PATJ: variants seen among roughly 807,000 people sequenced by gnomAD.
PATJ encodes the protein PATJ crumbs cell polarity complex component.
In PATJ, 190 loss-of-function variants were observed where a neutral mutation model predicts 224.9. The ratio of observed to expected loss-of-function variants is 0.84; its 90% CI spans 0.75 to 0.95. The LOEUF (loss-of-function observed/expected upper bound fraction) is 0.95. PATJ is among the 40% of genes least tolerant of loss of function. PATJ has a pLI of 0.00. For missense variants in PATJ, 2,121 were observed against 2,270.3 expected (o/e 0.93, Z 1.34); for synonymous variants, 769 against 820.3 (o/e 0.94, Z 1.07).
intron 7 of PATJ, among the ~76,000 whole-genome samples, chr1:61,783,745 C>CTTTTTTTTT (rs11372619): frequency 1.7e-5 from 2 of 117,892 alleles, no homozygotes; most frequent in Non-Finnish European, 3.3e-5. Context: ...AGAGTTGCTA[C>CTTTTTTTTT]TTTTTTTTTT....
intron 32 of PATJ, 46 bp from the exon 33 acceptor site, chr1:62,084,469 C>T: frequency 3.2e-6 from 5 of 1,581,130 alleles, no homozygotes; most frequent in Non-Finnish European, 4.3e-6. Context: ...GCAGGCTGAG[C>T]TGCAGCTCTT....
intron 3 of PATJ, among the ~76,000 whole-genome samples, chr1:61,764,174 C>G (rs1646134330): frequency 6.6e-6 from 1 of 152,070 alleles, no homozygotes; most frequent in African/African-American, 2.4e-5. Flanking sequence ...TTTTATCTAA[C>G]AAGAAGTGAT....
rs531116767 is a variant in PATJ, at chr1:62,141,397, G to C, written c.5272-6887G>C. 1.9e-4 allele frequency among the ~76,000 whole-genome samples: 29 copies of C among 152,252 alleles called. No homozygotes were observed. The Middle Eastern group carries it at 0.014, about 71-fold the overall frequency. On this transcript the variant is annotated intron_variant, in intron 41 of 43. Coordinates refer to ENST00000642238, the MANE Select transcript of PATJ (RefSeq NM_001350145.3). ...GGCTGAATGTAAAATGAGCATAGCC[G>C]GGCGCGTTGGCTCATGCCTGTAATC... is the stretch of plus-strand genomic sequence containing the variant.
intron 17 of PATJ, among the ~76,000 whole-genome samples, chr1:61,844,474 G>C (rs771113817): frequency 2.6e-5 from 4 of 152,078 alleles, no homozygotes; most frequent in Non-Finnish European, 5.9e-5. Flanking sequence ...CTTTTTTGAG[G>C]TTTCCCTTTC....
intron 7 of PATJ, among the ~76,000 whole-genome samples, chr1:61,786,392 G>C (rs567687605): frequency 5.9e-5 from 9 of 152,100 alleles, no homozygotes; most frequent in Non-Finnish European, 1.3e-4. Context: ...TTGTTTGTTT[G>C]TTTGACCTCT....
rs1471283601 is a variant in PATJ, at chr1:62,121,277, C to T, written c.4987C>T (p.Pro1663Ser). The change falls in exon 38 of 44, where the codon CCT becomes TCT. Residue 1663 changes from proline (P) to serine (S), a missense_variant. Coordinates refer to ENST00000642238, the MANE Select transcript of PATJ (RefSeq NM_001350145.3). The stretch of plus-strand genomic sequence containing the variant: ...GGTTGGCACAAAAAGAGTTTCAGAT[C>T]CTTCCCAGAAAAATTCAGGTATTAC... Reference protein sequence around the residue: ...NLVGTKRVSDPSQKNSGTDME... With the variant: ...NLVGTKRVSDSSQKNSGTDME... The T allele has an allele frequency of 2.5e-6, 4 of 1,612,138 alleles. No individual in the cohort carries two copies. In the African/African-American group the frequency reaches 4.0e-5, roughly 16 times the overall value.
intron 16 of PATJ, among the ~76,000 whole-genome samples, chr1:61,832,414 T>C (rs1369909255): frequency 6.6e-6 from 1 of 152,210 alleles, no homozygotes; most frequent in Non-Finnish European, 1.5e-5. Context: ...TTCCCTTCCC[T>C]TTTTTGTTTA....
chr1:61,900,714 G>C (rs1024151120), intron 23 of PATJ, among the ~76,000 whole-genome samples: 15 of 151,672 alleles, frequency 9.9e-5, no homozygotes, highest in African/African-American at 1.4e-4. Context: ...CTCAGCCTCC[G>C]GAGTAGCTGG....
At chr1:61,885,548 G>A (rs1309605552) in intron 22 of PATJ, among the ~76,000 whole-genome samples, 4 of 152,046 alleles carry the variant, frequency 2.6e-5, no homozygotes, top group Non-Finnish European at 4.4e-5. Context: ...AGAGGATGTG[G>A]AGAAATAGGA....
chr1:62,098,100 C>T (rs1045447537), intron 33 of PATJ, among the ~76,000 whole-genome samples: 1 of 152,134 alleles, frequency 6.6e-6, no homozygotes, highest in Admixed American at 6.5e-5. Flanking sequence ...TGGCTCACAC[C>T]TGTAATCCCA....
At chr1:62,144,777 A>AAAAAAATATATAT (rs377489788) in intron 41 of PATJ, among the ~76,000 whole-genome samples, 14 of 119,100 alleles carry the variant, frequency 1.2e-4, no homozygotes, top group East Asian at 1.1e-3. Flanking sequence ...AAAAAAAAAA[A>AAAAAAATATATAT]ATATATATAT....
rs554603363 is a variant in PATJ, at chr1:61,948,946, C to G, written c.3670+21117C>G. Among the ~76,000 whole-genome samples, 778 of 152,052 alleles carry G rather than the reference C, an allele frequency of 5.1e-3. 4 individuals are homozygous for G. Among genetic ancestry groups the G allele is most frequent in the Non-Finnish European group, 9.3e-3 (630 of 67,990 alleles). On this transcript the variant is annotated intron_variant, in intron 27 of 43. Coordinates refer to ENST00000642238, the MANE Select transcript of PATJ (RefSeq NM_001350145.3). ...GGATGAAGCTGGAAACCATCATTCT[C>G]AGCAAACTATCACAAGGACAGAAAA...
chr1:61,830,064 TG>T (rs1307315361), intron 16 of PATJ, among the ~76,000 whole-genome samples: 1 of 152,190 alleles, frequency 6.6e-6, no homozygotes, highest in Non-Finnish European at 1.5e-5. Flanking sequence ...TGTCTTGCAG[TG>T]ACAGTTTAAG....
At chr1:62,047,593 G>A (rs561941538) in intron 30 of PATJ, among the ~76,000 whole-genome samples, 3 of 152,176 alleles carry the variant, frequency 2.0e-5, no homozygotes, top group South Asian at 2.1e-4. Flanking sequence ...CCGTAACCTC[G>A]CCAGGCCTTC....
intron 20 of PATJ, among the ~76,000 whole-genome samples, chr1:61,869,032 G>C (rs970109195): frequency 6.6e-6 from 1 of 151,870 alleles, no homozygotes; most frequent in African/African-American, 2.4e-5. Flanking sequence ...AAGCTTCTAT[G>C]AGAAGAACAA....
rs557464862 is a variant in PATJ, at chr1:62,161,331, C to CTTTTTTTTTTTTTT, written c.*289_*302dup. ...GCATTTAATTTCAGTGTTCCGATTT[C>CTTTTTTTTTTTTTT]TTTTTTTTTTTTTTTTTTTTTTTTT... is the stretch of plus-strand genomic sequence containing the variant. On this transcript the variant is annotated 3_prime_UTR_variant, in exon 44 of 44. Coordinates refer to ENST00000642238, the MANE Select transcript of PATJ (RefSeq NM_001350145.3). 1.1e-5 allele frequency: 1 copy of CTTTTTTTTTTTTTT among 92,682 alleles called. No homozygotes were observed. The highest frequency in any genetic ancestry group is 4.1e-5 in the African/African-American group (1 of 24,524). 5.7% of individuals were successfully genotyped at this position (92,682 alleles called of 1,614,324 possible). A position where few individuals can be genotyped will look rare whatever the true frequency, so the allele number is the denominator to read the frequency against.
chr1:61,931,236 G>A lies in PATJ; in HGVS notation c.3670+3407G>A, dbSNP rs545647106. Among the ~76,000 whole-genome samples the A allele has an allele frequency of 2.6e-4, 39 of 152,342 alleles. No homozygotes were observed. In the South Asian group the frequency reaches 7.7e-3, roughly 30 times the overall value. Reference sequence around the variant, plus strand: ...ATGCATTTGGGAGACACTGTTCTAGGTGTTGAGAATATGGCAGGGAACATG... The same window carrying A: ...ATGCATTTGGGAGACACTGTTCTAGATGTTGAGAATATGGCAGGGAACATG... On this transcript the variant is annotated intron_variant, in intron 27 of 43. Transcript: ENST00000642238.
In PATJ at chr1:61,763,027, C is replaced by T; in HGVS notation, c.37C>T (p.Leu13=). The T allele has an allele frequency of 6.2e-7, 1 of 1,609,800 alleles. No individual in the cohort carries two copies. The highest frequency in any genetic ancestry group is 8.5e-7 in the Non-Finnish European group (1 of 1,177,578). Residue 13 remains leucine, a synonymous_variant, in exon 3 of 44, where the codon CTG becomes TTG. Coordinates refer to ENST00000642238, the MANE Select transcript of PATJ (RefSeq NM_001350145.3). ...CTTGACCCAAGATAAACTGCAGGTG[C>T]TGCAGGTACTTGATCGCCTGAAAAT... ...ENPATDKLQV[L]QVLDRLKMKL...
At chr1:61,765,037 A>C (rs917148285) in intron 3 of PATJ, among the ~76,000 whole-genome samples, 3 of 22,508 alleles carry the variant, frequency 1.3e-4, no homozygotes, top group African/African-American at 4.3e-4. Flanking sequence ...GGGGTTTTTT[A>C]TTTTTTCTTT....
Sources: allele counts gnomAD v4.1 joint callset (sites outside exome capture counted in the v4.1 genomes callset), GRCh38; gene constraint gnomAD v4.1.1; transcripts MANE v1.5; gene names NCBI Gene and HGNC (gene_info 2026-07-23, HGNC 2026-07-21).